The following MYO7A variants were observed in gnomAD, a reference collection of about 807,000 sequenced individuals.
MYO7A encodes myosin VIIA.
MYO7A carries 210 observed loss-of-function variants against 263.8 expected under a neutral mutation model. That is an observed-to-expected ratio of 0.80 (90% CI 0.71 to 0.89). The LOEUF (loss-of-function observed/expected upper bound fraction) is 0.89. MYO7A is among the 40% of genes least tolerant of loss of function. The pLI is 0.00. For missense variants in MYO7A, 2,820 were observed against 2,968.3 expected, an observed-to-expected ratio of 0.95 and a Z score of 1.16; for synonymous variants, 1,239 against 1,197.3, an observed-to-expected ratio of 1.03 and a Z score of -0.72.
chr11:77,189,918 G>A (rs1279384804), intron 28 of MYO7A, 102 bp from the exon 29 acceptor site: 3 of 1,438,592 alleles, frequency 2.1e-6, no homozygotes, highest in African/African-American at 2.9e-5. Flanking sequence ...AAGCAACCTG[G>A]CCTGGAGGAG....
At chr11:77,206,421 C>T (rs1055078404) in intron 41 of MYO7A, among the ~76,000 whole-genome samples, 2 of 152,222 alleles carry the variant, frequency 1.3e-5, no homozygotes, top group African/African-American at 4.8e-5. Context: ...GAGCAGCTTC[C>T]TTCAGAAGGG....
rs532020403 is a variant in MYO7A at position 77,209,096 on chromosome 11, G to A, written c.6051+293G>A. On this transcript the variant is annotated intron_variant, in intron 44 of 48. Transcript: ENST00000409709. ...TATCCTCTGACTTCGAGATTCTGCT[G>A]TTGTAACTGGGTAATTCCAAGGCCT... is the stretch of plus-strand genomic sequence containing the variant. The A allele has an allele frequency of 3.0e-4, 115 of 377,362 alleles. 1 individual carries two copies. The highest frequency in any genetic ancestry group is 2.3e-3 in the African/African-American group (113 of 49,684). The allele number at this position is 377,362 out of a possible 1,614,324, so 23.4% of individuals were successfully genotyped here. A position where few individuals can be genotyped will look rare whatever the true frequency, so the allele number is the denominator to read the frequency against.
intron 2 of MYO7A, among the ~76,000 whole-genome samples, chr11:77,136,956 C>T (rs1355202829): frequency 6.6e-6 from 1 of 152,172 alleles, no homozygotes; most frequent in East Asian, 1.9e-4. Flanking sequence ...GAGGACATGT[C>T]TTGTTAACAG....
chr11:77,182,245 G>A (rs1955294582), intron 24 of MYO7A, 91 bp downstream of exon 24: 1 of 1,530,424 alleles, frequency 6.5e-7, no homozygotes, highest in South Asian at 1.2e-5. Context: ...GGTGATGAGG[G>A]TGGTGGGTCC....
intron 32 of MYO7A, among the ~76,000 whole-genome samples, chr11:77,196,562 C>T (rs912110434): frequency 6.6e-6 from 1 of 152,180 alleles, no homozygotes; most frequent in Non-Finnish European, 1.5e-5. Context: ...AGTAGGACTG[C>T]TATGTGCACT....
intron 38 of MYO7A, 98 bp downstream of exon 38, chr11:77,203,315 C>A (rs1378871120): frequency 1.4e-5 from 19 of 1,373,408 alleles, no homozygotes; most frequent in Non-Finnish European, 1.9e-5. Context: ...GCGACCCGGG[C>A]ACACATGGGG....
intron 36 of MYO7A, among the ~76,000 whole-genome samples, chr11:77,201,996 T>A (rs149577593): frequency 6.6e-6 from 1 of 152,102 alleles, no homozygotes; most frequent in Admixed American, 6.5e-5. Context: ...GCTTCCCTAG[T>A]GGCTCCTGAG....
At chr11:77,212,586 A>G in intron 46 of MYO7A, 1 of 363,172 alleles carries the variant, frequency 2.8e-6, no homozygotes, top group Non-Finnish European at 5.3e-6. Context: ...GGCTGGTGTG[A>G]GAGGATACGT....
At chr11:77,206,695 G>GCC (rs971951837) in intron 41 of MYO7A, among the ~76,000 whole-genome samples, 2 of 152,168 alleles carry the variant, frequency 1.3e-5, no homozygotes, top group African/African-American at 4.8e-5. Flanking sequence ...TAGTCACGCT[G>GCC]CCCCTCATGG....
chr11:77,170,169 A>G (rs2135384098), intron 15 of MYO7A, among the ~76,000 whole-genome samples: 1 of 152,212 alleles, frequency 6.6e-6, no homozygotes, highest in East Asian at 1.9e-4. Flanking sequence ...GGAGGGAGGA[A>G]TGCGGCGGTG....
At chr11:77,213,156 C>G in intron 47 of MYO7A, 121 bp downstream of exon 47, 1 of 764,014 alleles carries the variant, frequency 1.3e-6, no homozygotes. Flanking sequence ...ATCCACCCAT[C>G]ACGTGGCTTC....
chr11:77,205,957 T>G, intron 40 of MYO7A, 140 bp from the exon 41 acceptor site: 1 of 727,376 alleles, frequency 1.4e-6, no homozygotes, highest in Non-Finnish European at 2.4e-6. Flanking sequence ...CTCAAGGCTC[T>G]GGGAGACTCA....
chr11:77,175,028 C>A, intron 17 of MYO7A, 114 bp downstream of exon 17: 1 of 1,333,212 alleles, frequency 7.5e-7, no homozygotes, highest in Non-Finnish European at 1.0e-6. Context: ...CTTGACCTCT[C>A]AGGTGCAGCA....
At chr11:77,198,657 G>A (rs766246037) in intron 34 of MYO7A, 36 bp downstream of exon 34, 2 of 1,612,112 alleles carry the variant, frequency 1.2e-6, no homozygotes, top group South Asian at 2.2e-5. Context: ...GACAGACAGA[G>A]GGGAAGGAGA....
At chr11:77,159,039 A>G (rs543394737) in intron 9 of MYO7A, among the ~76,000 whole-genome samples, 49 of 152,342 alleles carry the variant, frequency 3.2e-4, no homozygotes, top group African/African-American at 1.1e-3. Flanking sequence ...TAAGAGACAC[A>G]GGGAAGGGTA....
intron 38 of MYO7A, 120 bp downstream of exon 38, chr11:77,203,337 A>G (rs916037911): frequency 4.7e-5 from 54 of 1,142,732 alleles, no homozygotes; most frequent in Non-Finnish European, 4.9e-6. Context: ...GGGTTGATGG[A>G]GTACCCCCTC....
chr11:77,168,162 TTCTC>T (rs555481728), intron 15 of MYO7A, among the ~76,000 whole-genome samples: 134 of 152,310 alleles, frequency 8.8e-4, no homozygotes, highest in African/African-American at 3.1e-3. Context: ...CTACCCGTTC[TTCTC>T]TCTCCTCTGT....
chr11:77,155,235 C>T (rs1591261865), intron 4 of MYO7A, among the ~76,000 whole-genome samples: 1 of 152,196 alleles, frequency 6.6e-6, no homozygotes, highest in South Asian at 2.1e-4. Flanking sequence ...GATCTTTGCA[C>T]TAACAGAGGA....
Position 77,180,405 on chromosome 11 carries a change from G to A in MYO7A, c.2618G>A (p.Arg873Gln), listed in dbSNP as rs1052032. 50 of 1,612,024 alleles carry A rather than the reference G, an allele frequency of 3.1e-5. No individual in the cohort carries two copies. In the Admixed American group the frequency reaches 4.5e-4, roughly 15 times the overall value. The change falls in exon 22 of 49, where the codon CGG becomes CAG. Residue 873 changes from arginine to glutamine, a missense_variant. By Grantham distance (43) the Arg-to-Gln change is conservative (BLOSUM62 1). Transcript: ENST00000409709. ...TGGCGCCTCGAGGCTGAGAAAATGC[G>A]GCTGGCGGAGGAAGAGAAGCTTCGG... ...YLWRLEAEKMRLAEEEKLRKE... is the reference protein window; with the variant it reads ...YLWRLEAEKMQLAEEEKLRKE...
Sources: gnomAD v4.1 joint callset for allele counts (sites outside exome capture counted in the v4.1 genomes callset) on GRCh38, gnomAD v4.1.1 for gene constraint, MANE v1.5 for transcripts, NCBI Gene and HGNC (gene_info 2026-07-23, HGNC 2026-07-21) for gene names.